WWP1: variants seen among roughly 807,000 people sequenced by gnomAD.
WWP1 encodes WW domain containing E3 ubiquitin protein ligase 1, also known as NEDD4-like E3 ubiquitin-protein ligase WWP1.
In WWP1, 49 loss-of-function variants were observed where a neutral mutation model predicts 130.6. The observed-to-expected ratio is 0.38, with a 90% confidence interval of 0.30 to 0.48. The LOEUF (loss-of-function observed/expected upper bound fraction) is 0.48. Ranked by LOEUF, WWP1 falls within the 20% of genes least tolerant of loss-of-function variation. The pLI is 0.99. For synonymous variants in WWP1, 332 were observed against 367.8 expected (o/e 0.90, Z 1.11); for missense variants, 809 against 1,100.6 (o/e 0.74, Z 3.75).
At position 86,430,829 on chromosome 8, in the gene WWP1, A is replaced by ATATATATATATATATATATG. The variant is rs1281641543; in HGVS notation, c.1387+81_1387+82insATATATATATATATATGTAT. 94 of 537,880 alleles carry ATATATATATATATATATATG rather than the reference A, an allele frequency of 1.7e-4. 1 individual carries two copies. Among genetic ancestry groups the ATATATATATATATATATATG allele is most frequent in the South Asian group, 3.3e-4 (6 of 18,156 alleles). The allele number at this position is 537,880 out of a possible 1,614,324, so 33.3% of individuals were successfully genotyped here. ...TATATATATATATATATATATATAT[A>ATATATATATATATATATATG]TATGTTCCTTATTTTATATATATAT... is the stretch of plus-strand genomic sequence containing the variant. On this transcript the variant is annotated intron_variant, in intron 12 of 24. Coordinates refer to ENST00000517970, the MANE Select transcript of WWP1 (RefSeq NM_007013.4).
intron 2 of WWP1, among the ~76,000 whole-genome samples, chr8:86,372,782 G>A (rs750250094): frequency 2.6e-5 from 4 of 151,676 alleles, no homozygotes; most frequent in Non-Finnish European, 4.4e-5. Flanking sequence ...TTTCCCCTTC[G>A]TTAGTCTTAT....
At chr8:86,441,232 T>C (rs1810575311) in intron 17 of WWP1, among the ~76,000 whole-genome samples, 2 of 152,240 alleles carry the variant, frequency 1.3e-5, no homozygotes, top group African/African-American at 4.8e-5. Flanking sequence ...TCACAAGACC[T>C]GCTCCATCCT....
At chr8:86,437,831 G>A (rs956001033) in intron 16 of WWP1, among the ~76,000 whole-genome samples, 4 of 151,878 alleles carry the variant, frequency 2.6e-5, no homozygotes, top group East Asian at 3.9e-4. Flanking sequence ...ACAGAGTCTC[G>A]CTCTGTCGCC....
At position 86,456,448 on chromosome 8, in the gene WWP1, A is replaced by G. The variant is rs1290447700; in HGVS notation, c.2395-1473A>G. On this transcript the variant is annotated intron_variant, in intron 21 of 24. Transcript: ENST00000517970. ...TAAATGGACAAAGGCTTACTTCCCA[A>G]TAGGATATACACAGATGGCAAGTAA... is the stretch of plus-strand genomic sequence containing the variant. Among the ~76,000 whole-genome samples the G allele has an allele frequency of 2.0e-5, 3 of 152,074 alleles. No homozygotes were observed. In the East Asian group the frequency reaches 5.8e-4, roughly 29 times the overall value.
intron 17 of WWP1, chr8:86,440,476 T>A (rs1490661871): frequency 4.5e-6 from 1 of 223,384 alleles, no homozygotes; most frequent in South Asian, 5.7e-5. Context: ...ACTCAGACAT[T>A]GCTTTACTGT....
chr8:86,374,565 T>C (rs759034429), intron 3 of WWP1, among the ~76,000 whole-genome samples: 4 of 152,210 alleles, frequency 2.6e-5, no homozygotes, highest in Non-Finnish European at 5.9e-5. Context: ...CTAGGAAATG[T>C]TTCTTGTAGA....
chr8:86,434,588 ATTG>A (rs1331977865), intron 14 of WWP1, among the ~76,000 whole-genome samples: 2 of 152,102 alleles, frequency 1.3e-5, no homozygotes, highest in South Asian at 4.2e-4. Context: ...TGCCTTTTTT[ATTG>A]TTTTATTGTT....
At chr8:86,393,951 A>G (rs1315773833) in intron 5 of WWP1, among the ~76,000 whole-genome samples, 1 of 152,210 alleles carries the variant, frequency 6.6e-6, no homozygotes, top group Non-Finnish European at 1.5e-5. Flanking sequence ...ACCATGGGAA[A>G]TCAGCAACCA....
intron 1 of WWP1, 189 bp downstream of exon 1, chr8:86,343,119 C>T (rs1373823171): frequency 8.0e-6 from 2 of 251,120 alleles, no homozygotes; most frequent in Non-Finnish European, 1.5e-5. Flanking sequence ...CGGGAGTTTT[C>T]TGGGGTGGGG....
intron 1 of WWP1, among the ~76,000 whole-genome samples, chr8:86,356,291 A>G (rs1434936097): frequency 1.3e-5 from 2 of 152,218 alleles, no homozygotes; most frequent in East Asian, 1.9e-4. Flanking sequence ...ATGTTAACTT[A>G]TGTTGATTCT....
rs1812285662 is a variant in WWP1 at position 86,468,433 on chromosome 8, T to A, written c.*1540T>A. The A allele has an allele frequency of 2.4e-6, 1 of 414,818 alleles. No individual in the cohort carries two copies. Among genetic ancestry groups the A allele is most frequent in the Admixed American group, 2.9e-5 (1 of 35,074 alleles). The allele number at this position is 414,818 out of a possible 1,614,324, so 25.7% of individuals were successfully genotyped here. ...CTGGTAATTTTCAAGCCTAAAGAATTAAAAAAAAAATTCTAATGTATGTGA... is the reference window on the plus strand; with the variant it reads ...CTGGTAATTTTCAAGCCTAAAGAATAAAAAAAAAAATTCTAATGTATGTGA... On this transcript the variant is annotated 3_prime_UTR_variant, in exon 25 of 25. Coordinates refer to ENST00000517970, the MANE Select transcript of WWP1 (RefSeq NM_007013.4).
At chr8:86,396,162 G>A (rs1422661655) in intron 5 of WWP1, among the ~76,000 whole-genome samples, 2 of 151,590 alleles carry the variant, frequency 1.3e-5, no homozygotes, top group Admixed American at 6.6e-5. Context: ...GCAGTGGCGC[G>A]ATCTCAGCTC....
At chr8:86,412,902 C>T (rs1808671998) in intron 9 of WWP1, among the ~76,000 whole-genome samples, 1 of 152,106 alleles carries the variant, frequency 6.6e-6, no homozygotes, top group Admixed American at 6.6e-5. Flanking sequence ...GATCTTGGCT[C>T]ACTGCAACTT....
intron 5 of WWP1, among the ~76,000 whole-genome samples, chr8:86,398,057 T>A (rs1807776497): frequency 6.6e-6 from 1 of 152,220 alleles, no homozygotes; most frequent in African/African-American, 2.4e-5. Flanking sequence ...TCATCTGTGG[T>A]ACCTTGAGCT....
intron 1 of WWP1, among the ~76,000 whole-genome samples, chr8:86,352,318 A>C (rs1253662290): frequency 6.6e-6 from 1 of 151,984 alleles, no homozygotes. Context: ...TCTCCCTCCC[A>C]GTTTCAAATG....
intron 1 of WWP1, among the ~76,000 whole-genome samples, chr8:86,346,609 C>G (rs1423303576): frequency 2.6e-5 from 4 of 152,116 alleles, no homozygotes; most frequent in Non-Finnish European, 2.9e-5. Flanking sequence ...AAACAGTTGA[C>G]TTTTCTGCAC....
intron 3 of WWP1, among the ~76,000 whole-genome samples, chr8:86,376,362 A>C (rs1824651331): frequency 1.3e-5 from 2 of 152,162 alleles, no homozygotes; most frequent in Admixed American, 1.3e-4. Flanking sequence ...TGAGGCCAGG[A>C]GTTTGTGACT....
intron 3 of WWP1, among the ~76,000 whole-genome samples, chr8:86,377,607 G>A (rs184636827): frequency 1.3e-5 from 2 of 151,936 alleles, no homozygotes; most frequent in Admixed American, 6.6e-5. Flanking sequence ...ATCATGGAAC[G>A]CGGAAAAACT....
intron 8 of WWP1, among the ~76,000 whole-genome samples, chr8:86,405,863 T>C (rs1020218150): frequency 3.3e-5 from 5 of 152,028 alleles, no homozygotes; most frequent in African/African-American, 1.2e-4. Flanking sequence ...AAGAAAGTTA[T>C]GAATTCTGGA....
Sources: allele counts gnomAD v4.1 joint callset (sites outside exome capture counted in the v4.1 genomes callset), GRCh38; gene constraint gnomAD v4.1.1; transcripts MANE v1.5; gene names NCBI Gene and HGNC (gene_info 2026-07-23, HGNC 2026-07-21).